The following FGFR1 variants were observed in gnomAD, a reference collection of about 807,000 sequenced individuals.
FGFR1 encodes fibroblast growth factor receptor 1.
FGFR1 carries 18 observed loss-of-function variants against 93.7 expected under a neutral mutation model. That is an observed-to-expected ratio of 0.19 (90% CI 0.13 to 0.28). The LOEUF (loss-of-function observed/expected upper bound fraction) is 0.28. Ranked by LOEUF, FGFR1 falls within the 10% of genes least tolerant of loss-of-function variation. The pLI, the probability that FGFR1 is intolerant of heterozygous loss-of-function variation, is 1.00. For synonymous variants in FGFR1, 448 were observed against 429.3 expected, an observed-to-expected ratio of 1.04 and a Z score of -0.54; for missense variants, 731 against 1,080.4, an observed-to-expected ratio of 0.68 and a Z score of 4.53.
intron 9 of FGFR1, among the ~76,000 whole-genome samples, chr8:38,418,855 G>C (rs1297411116): frequency 6.6e-6 from 1 of 152,206 alleles, no homozygotes; most frequent in East Asian, 1.9e-4. Context: ...GGCTGAGATG[G>C]TTTGGCTGTG....
At chr8:38,460,074 T>C (rs1214143288) in intron 1 of FGFR1, among the ~76,000 whole-genome samples, 6 of 152,118 alleles carry the variant, frequency 3.9e-5, no homozygotes, top group Non-Finnish European at 7.4e-5. Flanking sequence ...TCCCAGCTAC[T>C]CAGGAGGCTA....
chr8:38,462,059 A>G (rs1053009973), intron 1 of FGFR1, among the ~76,000 whole-genome samples: 10 of 152,226 alleles, frequency 6.6e-5, no homozygotes, highest in African/African-American at 1.9e-4. Context: ...CGGATATGCT[A>G]TAAGTAAAAA....
intron 1 of FGFR1, among the ~76,000 whole-genome samples, chr8:38,462,902 CTTTTTTTT>C (rs11364295): frequency 3.5e-5 from 4 of 114,832 alleles, no homozygotes; most frequent in African/African-American, 9.9e-5. Flanking sequence ...CTGTGCCTGG[CTTTTTTTT>C]TTTTTTTTTT....
At chr8:38,432,520 C>T (rs1432280676) in intron 2 of FGFR1, among the ~76,000 whole-genome samples, 3 of 149,768 alleles carry the variant, frequency 2.0e-5, no homozygotes, top group Non-Finnish European at 4.4e-5. Context: ...TCAAGTGATT[C>T]TCCTGCCTCA....
In FGFR1 at chr8:38,428,395, GTCA is replaced by G. The variant is rs138489552; in HGVS notation, c.396_398del (p.Asp133del). The G allele has an allele frequency of 8.4e-5, 136 of 1,609,726 alleles. No homozygotes were observed. Among genetic ancestry groups the G allele is most frequent in the Admixed American group, 3.3e-4 (20 of 59,910 alleles). ...CTGTTTCTTTCTCCTCTGAAGAGGA[GTCA>G]TCATCATCATCATCATCCTCCGAGG... is the stretch of plus-strand genomic sequence containing the variant. On this transcript the variant is annotated inframe_deletion, in exon 4 of 18. Coordinates refer to ENST00000447712, the MANE Select transcript of FGFR1 (RefSeq NM_023110.3).
intron 2 of FGFR1, among the ~76,000 whole-genome samples, chr8:38,456,301 C>G (rs1365885599): frequency 6.6e-6 from 1 of 152,210 alleles, no homozygotes; most frequent in Non-Finnish European, 1.5e-5. Flanking sequence ...CCGCGAAAGC[C>G]ACCGGTATTC....
chr8:38,456,365 T>C (rs1392148571), intron 2 of FGFR1, among the ~76,000 whole-genome samples: 2 of 152,194 alleles, frequency 1.3e-5, no homozygotes. Flanking sequence ...ATCCCAAGAA[T>C]GGTGGGGTAA....
rs1239217968 is a variant in FGFR1, at chr8:38,414,921, G to A, written c.1855-20C>T. On this transcript the variant is annotated intron_variant, in intron 13 of 17. Transcript: ENST00000447712. ...TATGCACTGAGGAAGGAGGAAGGGA[G>A]AGCGGGAGGCGGGGAGGTGAGGGAG... is the stretch of plus-strand genomic sequence containing the variant. 12 of 1,607,330 alleles carry A rather than the reference G, an allele frequency of 7.5e-6. No individual in the cohort carries two copies. Among genetic ancestry groups the A allele is most frequent in the East Asian group, 2.2e-5 (1 of 44,790 alleles).
intron 2 of FGFR1, chr8:38,435,181 T>C (rs1824865207): frequency 6.6e-6 from 1 of 152,164 alleles, no homozygotes; most frequent in South Asian, 2.1e-4. Flanking sequence ...GTATTGCTTC[T>C]TAATTGTCCA....
At chr8:38,427,886 C>G (rs868596722) in intron 5 of FGFR1, 35 bp downstream of exon 5, 3 of 1,613,440 alleles carry the variant, frequency 1.9e-6, no homozygotes, top group Non-Finnish European at 2.5e-6. Flanking sequence ...TCCCCTGTTC[C>G]CATTACTCTA....
intron 1 of FGFR1, among the ~76,000 whole-genome samples, chr8:38,459,817 C>T (rs1278246829): frequency 6.6e-6 from 1 of 152,096 alleles, no homozygotes; most frequent in African/African-American, 2.4e-5. Context: ...TTATCCAAAC[C>T]AAGTAGATAA....
At position 38,428,049 on chromosome 8, in the gene FGFR1, A is replaced by C. The variant is rs928639974; in HGVS notation, c.493T>G (p.Leu165Val). Residue 165 changes from leucine (L) to valine (V), a missense_variant, in exon 5 of 18, where the codon TTG becomes GTG. By Grantham distance (32) the Leu-to-Val change is conservative. This residue lies in a region of FGFR1 where 109 missense variants were observed against 249.4 expected (regional missense o/e 0.44). Coordinates refer to ENST00000447712, the MANE Select transcript of FGFR1 (RefSeq NM_023110.3). ...WTSPEKMEKKLHAVPAAKTVK... is the reference protein window; with the variant it reads ...WTSPEKMEKKVHAVPAAKTVK... ...GTCTTGGCAGCCGGCACTGCATGCA[A>C]TTTCTTTTCCATCTTTTCTGGGGAT... The C allele has an allele frequency of 6.2e-7, 1 of 1,614,106 alleles. No individual in the cohort carries two copies. The highest frequency in any genetic ancestry group is 8.5e-7 in the Non-Finnish European group (1 of 1,180,048).
intron 13 of FGFR1, among the ~76,000 whole-genome samples, chr8:38,415,468 ATT>A (rs11451619): frequency 6.4e-5 from 9 of 141,632 alleles, no homozygotes; most frequent in Admixed American, 7.0e-5. Context: ...TAATTTTTTA[ATT>A]TTTTTTTTTT....
rs774739614 is a variant in FGFR1 at position 38,418,005 on chromosome 8, CAG to C, written c.1431-16_1431-15del. ...CCTAAGACCAGTCTTTCGGGGGAAA[CAG>C]AGAGTGGCATAAGTTGGGGCTGGTG... On this transcript the variant is annotated splice_polypyrimidine_tract_variant and intron_variant, in intron 10 of 17. Coordinates refer to ENST00000447712, the MANE Select transcript of FGFR1 (RefSeq NM_023110.3). 73 of 1,614,160 alleles carry C rather than the reference CAG, an allele frequency of 4.5e-5. No homozygotes were observed. The highest frequency in any genetic ancestry group is 3.3e-4 in the Middle Eastern group (2 of 6,062).
At chr8:38,428,541 C>T (rs1285536794) in intron 3 of FGFR1, 106 bp from the exon 4 acceptor site, 25 of 808,524 alleles carry the variant, frequency 3.1e-5, no homozygotes, top group South Asian at 7.3e-5. Flanking sequence ...ATGGGGATCC[C>T]AGTCCCACTG....
Position 38,429,813 on chromosome 8 carries a change from C to T in FGFR1, c.227G>A (p.Ser76Asn). The T allele has an allele frequency of 1.2e-6, 2 of 1,613,742 alleles. No homozygotes were observed. Among genetic ancestry groups the T allele is most frequent in the South Asian group, 2.2e-5 (2 of 90,968 alleles). Residue 76 changes from serine to asparagine, a missense_variant, in exon 3 of 18, where the codon AGC becomes AAC. By Grantham distance (46) the Ser-to-Asn change is conservative. This residue lies in a region of FGFR1 where 212 missense variants were observed against 205.8 expected (regional missense o/e 1.03). Transcript: ENST00000447712. This position sits in a 1 kb window ranked among gnomAD's most constrained non-coding sequence, Gnocchi z 4.4. ...WLRDGVQLAESNRTRITGEEV... is the reference protein window; with the variant it reads ...WLRDGVQLAENNRTRITGEEV... ...CTCCCCTGTGATGCGGGTGCGGTTG[C>T]TTTCCGCCAGCTGCACCCCGTCCCG...
chr8:38,418,468 A>C lies in FGFR1; in HGVS notation c.1285-95T>G, dbSNP rs2150684886. 3 of 1,409,924 alleles carry C rather than the reference A, an allele frequency of 2.1e-6. No homozygotes were observed. In the South Asian group the frequency reaches 3.7e-5, roughly 17 times the overall value. The allele number at this position is 1,409,924 out of a possible 1,614,324, so 87.3% of individuals were successfully genotyped here. On this transcript the variant is annotated intron_variant, in intron 9 of 17. Coordinates refer to ENST00000447712, the MANE Select transcript of FGFR1 (RefSeq NM_023110.3). ...AGGGCTTCCCAACAATGGCAGAGGC[A>C]CATGTCTGTGTATCTGATGTTCTTT...
intron 10 of FGFR1, 35 bp downstream of exon 10, chr8:38,418,193 T>A (rs1817414839): frequency 6.2e-7 from 1 of 1,614,178 alleles, no homozygotes; most frequent in Non-Finnish European, 8.5e-7. Flanking sequence ...AAGCAAGGAA[T>A]GCCTTCAAAA....
At chr8:38,467,265 C>T (rs1302930230) in intron 1 of FGFR1, among the ~76,000 whole-genome samples, 1 of 152,074 alleles carries the variant, frequency 6.6e-6, no homozygotes, top group Non-Finnish European at 1.5e-5. Context: ...GTCATAAGAT[C>T]ACCCCTTCTG....
Sources: allele counts gnomAD v4.1 joint callset (sites outside exome capture counted in the v4.1 genomes callset), GRCh38; gene constraint gnomAD v4.1.1; regional missense constraint gnomAD v4.1.1; non-coding constraint Gnocchi (gnomAD v3.1); transcripts MANE v1.5; gene names NCBI Gene and HGNC (gene_info 2026-07-23, HGNC 2026-07-21).